The following ANAPC10 variants were observed in gnomAD, a reference collection of about 807,000 sequenced individuals.
ANAPC10 encodes anaphase promoting complex subunit 10.
A neutral mutation model predicts 22.0 loss-of-function variants in ANAPC10; 12 were observed. The ratio of observed to expected loss-of-function variants is 0.55; its 90% confidence interval spans 0.35 to 0.88. The LOEUF is 0.88. Among genes scored for constraint, ANAPC10 ranks in the 40% least tolerant of loss-of-function variants. The pLI is 0.01. For synonymous variants in ANAPC10, 65 were observed against 69.5 expected, an observed-to-expected ratio of 0.94 and a Z score of 0.32; for missense variants, 188 against 220.9, an observed-to-expected ratio of 0.85 and a Z score of 0.94.
intron 4 of ANAPC10, among the ~76,000 whole-genome samples, chr4:145,038,383 C>T (rs1238689588): frequency 3.3e-5 from 5 of 152,104 alleles, no homozygotes; most frequent in Non-Finnish European, 7.4e-5. Context: ...CATGGTGGTG[C>T]ACGCCTGTAA....
intron 4 of ANAPC10, among the ~76,000 whole-genome samples, chr4:145,039,323 T>C (rs1216155084): frequency 6.6e-6 from 1 of 152,250 alleles, no homozygotes; most frequent in African/African-American, 2.4e-5. Context: ...TGCACAATTC[T>C]GACTTCAATA....
At chr4:145,096,304 T>A (rs1178502721) in intron 1 of ANAPC10, among the ~76,000 whole-genome samples, 193 bp from the exon 2 acceptor site, 1 of 152,146 alleles carries the variant, frequency 6.6e-6, no homozygotes, top group East Asian at 1.9e-4. Flanking sequence ...ACACCTGTAA[T>A]CCCAACACTT....
intron 3 of ANAPC10, among the ~76,000 whole-genome samples, chr4:145,067,332 G>A (rs1050958606): frequency 9.9e-5 from 15 of 152,052 alleles, no homozygotes; most frequent in African/African-American, 1.9e-4. Flanking sequence ...GCCAGGCATC[G>A]TGCTATATTC....
intron 3 of ANAPC10, among the ~76,000 whole-genome samples, chr4:145,070,353 G>A (rs1401251217): frequency 6.6e-6 from 1 of 152,078 alleles, no homozygotes; most frequent in Non-Finnish European, 1.5e-5. Flanking sequence ...GTAAAAAGAG[G>A]GAAGGGACTT....
intron 4 of ANAPC10, among the ~76,000 whole-genome samples, chr4:145,015,473 T>C (rs1734973925): frequency 6.6e-6 from 1 of 151,880 alleles, no homozygotes; most frequent in Non-Finnish European, 1.5e-5. Context: ...ATAATCGGTG[T>C]TCCTGAAGAA....
chr4:145,081,141 T>G (rs890993780), intron 3 of ANAPC10, among the ~76,000 whole-genome samples: 2 of 150,628 alleles, frequency 1.3e-5, no homozygotes, highest in African/African-American at 2.4e-5. Flanking sequence ...ATAAATACAT[T>G]CAAAGCATTG....
intron 4 of ANAPC10, among the ~76,000 whole-genome samples, chr4:145,016,910 C>T (rs1185594937): frequency 4.6e-5 from 7 of 152,176 alleles, no homozygotes; most frequent in Non-Finnish European, 8.8e-5. Flanking sequence ...GGAAAACTGG[C>T]TAGCCATATG....
rs185849857 is a variant in ANAPC10, at chr4:145,063,597, A to C, written c.327+975T>G. Among the ~76,000 whole-genome samples the C allele has an allele frequency of 2.2e-3, 342 of 152,256 alleles. 1 individual carries two copies. The highest frequency in any genetic ancestry group is 0.02 in the Middle Eastern group (6 of 294). ...AATCTCTCAGAACCACCAGATTTTAATGATTATTTGGGCTTAATGATTTTC... is the reference window on the plus strand; with the variant it reads ...AATCTCTCAGAACCACCAGATTTTACTGATTATTTGGGCTTAATGATTTTC... On this transcript the variant is annotated intron_variant, in intron 4 of 4. Transcript: ENST00000507656.
intron 4 of ANAPC10, among the ~76,000 whole-genome samples, chr4:145,022,313 A>T (rs1370469541): frequency 6.6e-6 from 1 of 152,166 alleles, no homozygotes; most frequent in East Asian, 1.9e-4. Context: ...CACAGTATAC[A>T]TGGTGGGATA....
At chr4:145,033,490 G>T (rs567737674) in intron 4 of ANAPC10, 1 of 152,360 alleles carries the variant, frequency 6.6e-6, no homozygotes, top group South Asian at 2.1e-4. Flanking sequence ...TGGCTGGGAT[G>T]ACTGACCTGG....
intron 4 of ANAPC10, among the ~76,000 whole-genome samples, chr4:145,040,067 T>A (rs540187113): frequency 6.6e-6 from 1 of 152,248 alleles, no homozygotes; most frequent in South Asian, 2.1e-4. Context: ...ATGAAAACTC[T>A]TAATTTCATG....
Position 145,077,177 on chromosome 4 carries a change from C to T in ANAPC10, c.206+4483G>A, listed in dbSNP as rs543337104. Among the ~76,000 whole-genome samples the T allele has an allele frequency of 4.0e-5, 6 of 151,448 alleles. No homozygotes were observed. In the South Asian group the frequency reaches 6.3e-4, roughly 16 times the overall value. On this transcript the variant is annotated intron_variant, in intron 3 of 4. Transcript: ENST00000507656. ...TCGTGCCACTGCACTCCAGCCTGGG[C>T]GACAGAGCAAGACTCTGTCTCAAAA...
At chr4:145,091,246 G>A (rs1174498563) in intron 2 of ANAPC10, among the ~76,000 whole-genome samples, 2 of 152,194 alleles carry the variant, frequency 1.3e-5, no homozygotes, top group Non-Finnish European at 2.9e-5. Context: ...CTGGTGACAT[G>A]TGTTGCTCTC....
chr4:145,090,364 A>G lies in ANAPC10; in HGVS notation c.115+5621T>C, dbSNP rs1747490368. 2.6e-5 allele frequency among the ~76,000 whole-genome samples: 4 copies of G among 152,172 alleles called. No individual in the cohort carries two copies. The South Asian group carries it at 8.3e-4, about 32-fold the overall frequency. On this transcript the variant is annotated intron_variant, in intron 2 of 4. Transcript: ENST00000507656. ...TTTCAACCCTCAGTTAGTTGAATCC[A>G]TGAAATTAGAACCTACAGATATGGA...
chr4:145,029,521 T>A (rs1013896546), intron 4 of ANAPC10, among the ~76,000 whole-genome samples: 4 of 152,136 alleles, frequency 2.6e-5, no homozygotes, highest in Non-Finnish European at 5.9e-5. Flanking sequence ...AGCATGGGAA[T>A]GGATATTAAA....
intron 4 of ANAPC10, among the ~76,000 whole-genome samples, chr4:144,996,853 G>A (rs562329462): frequency 1.3e-5 from 2 of 152,148 alleles, no homozygotes; most frequent in South Asian, 2.1e-4. Flanking sequence ...AAGATTAGAC[G>A]AATGGCTAAC....
intron 4 of ANAPC10, among the ~76,000 whole-genome samples, chr4:145,017,760 C>T (rs187381667): frequency 1.5e-3 from 233 of 152,156 alleles, no homozygotes; most frequent in African/African-American, 5.5e-3. Context: ...AAATGTGGCA[C>T]ATACACACCA....
At chr4:145,037,932 G>A (rs1232622895) in intron 4 of ANAPC10, among the ~76,000 whole-genome samples, 21 of 122,888 alleles carry the variant, frequency 1.7e-4, no homozygotes, top group African/African-American at 5.4e-4. Context: ...GGGTGACAGA[G>A]CAAAACCCTG....
intron 1 of ANAPC10, chr4:145,097,556 A>G (rs1579198191): frequency 7.8e-7 from 1 of 1,286,760 alleles, no homozygotes; most frequent in Non-Finnish European, 1.0e-6. Context: ...CAAGCACTTG[A>G]TACTTACTAA....
Sources: gnomAD v4.1 joint callset for allele counts (sites outside exome capture counted in the v4.1 genomes callset) on GRCh38, gnomAD v4.1.1 for gene constraint, MANE v1.5 for transcripts, NCBI Gene and HGNC (gene_info 2026-07-23, HGNC 2026-07-21) for gene names.